KCNJ5: variants seen among roughly 807,000 people sequenced by gnomAD.
KCNJ5 encodes the protein G protein-activated inward rectifier potassium channel 4.
KCNJ5 carries 12 observed loss-of-function variants against 20.2 expected under a neutral mutation model. The observed-to-expected ratio is 0.59, with a 90% CI of 0.38 to 0.96. The LOEUF is 0.96. KCNJ5 is among the 40% of genes least tolerant of loss of function. The probability of loss-of-function intolerance (pLI) is 0.00; values close to 1 mark genes in which losing one functional copy is unlikely to be tolerated. For synonymous variants in KCNJ5, 210 were observed against 213.9 expected (o/e 0.98, Z 0.16); for missense variants, 449 against 557.6 (o/e 0.81, Z 1.96).
intron 1 of KCNJ5, among the ~76,000 whole-genome samples, chr11:128,895,814 G>C (rs1944168469): frequency 6.6e-6 from 1 of 152,262 alleles, no homozygotes. Context: ...AAGGCAGGCT[G>C]CTCTTATGGA....
rs140491115 is a variant in KCNJ5, at chr11:128,911,720, C to T, written c.447C>T (p.Thr149=). The part of the protein sequence containing the change: ...AFLFSIETET[T]IGYGFRVITE... Reference sequence around the variant, plus strand: ...TGTTCTCCATTGAGACCGAAACAACCATTGGGTATGGCTTCCGAGTCATCA... The same window carrying T: ...TGTTCTCCATTGAGACCGAAACAACTATTGGGTATGGCTTCCGAGTCATCA... Residue 149 remains threonine, a synonymous_variant, in exon 2 of 3, where the codon ACC becomes ACT. Transcript: ENST00000529694. The surrounding 1 kb of genome is among the most constrained non-coding windows in gnomAD (Gnocchi z 6.3). 1.9e-5 allele frequency: 31 copies of T among 1,614,044 alleles called. No individual in the cohort carries two copies. Among genetic ancestry groups the T allele is most frequent in the Non-Finnish European group, 2.4e-5 (28 of 1,180,028 alleles).
In KCNJ5 at chr11:128,916,429, A is replaced by G; in HGVS notation, c.958A>G (p.Ser320Gly). 1.2e-6 allele frequency: 2 copies of G among 1,614,194 alleles called. No homozygotes were observed. The highest frequency in any genetic ancestry group is 1.7e-6 in the Non-Finnish European group (2 of 1,180,032). Residue 320 changes from serine (S) to glycine (G), a missense_variant, in exon 3 of 3, where the codon AGC becomes GGC. Around this residue, in one of 5 missense-constraint regions of KCNJ5, gnomAD observed 145 missense variants for 166.2 expected, o/e 0.87. Transcript: ENST00000529694. ...EATGMTCQARSSYMDTEVLWG... is the reference protein window; with the variant it reads ...EATGMTCQARGSYMDTEVLWG... Reference sequence around the variant, plus strand: ...CCCAGGCATGACCTGCCAAGCCCGGAGCTCCTACATGGATACAGAGGTGCT... The same window carrying G: ...CCCAGGCATGACCTGCCAAGCCCGGGGCTCCTACATGGATACAGAGGTGCT...
intron 1 of KCNJ5, chr11:128,902,085 G>A (rs1234081372): frequency 2.4e-5 from 4 of 168,156 alleles, no homozygotes; most frequent in Admixed American, 1.1e-4. Flanking sequence ...ATTCTGCTTC[G>A]AGAAGAGGCG....
At chr11:128,900,754 A>G (rs1295955785) in intron 1 of KCNJ5, 1 of 152,264 alleles carries the variant, frequency 6.6e-6, no homozygotes, top group Non-Finnish European at 1.5e-5. Context: ...TGGCAAGCCC[A>G]ACTATCCAAC....
At chr11:128,896,440 C>A (rs547874916) in intron 1 of KCNJ5, among the ~76,000 whole-genome samples, 1 of 152,306 alleles carries the variant, frequency 6.6e-6, no homozygotes, top group Non-Finnish European at 1.5e-5. Flanking sequence ...CACTTCCATC[C>A]CACCCCACCC....
chr11:128,903,384 G>T, intron 1 of KCNJ5: 21 of 1,614,196 alleles, frequency 1.3e-5, no homozygotes, highest in Non-Finnish European at 1.8e-5. Flanking sequence ...AGCCACAGCC[G>T]TGGGTGTAGA....
chr11:128,902,803 C>T (rs981717865), intron 1 of KCNJ5: 7 of 1,411,482 alleles, frequency 5.0e-6, no homozygotes, highest in Non-Finnish European at 5.8e-6. Context: ...ACAACGCAGC[C>T]CAACATGTCC....
At chr11:128,894,529 C>G (rs533854990) in intron 1 of KCNJ5, among the ~76,000 whole-genome samples, 1 of 152,150 alleles carries the variant, frequency 6.6e-6, no homozygotes, top group Non-Finnish European at 1.5e-5. Context: ...TTAAGATAGT[C>G]GTCAGCCACG....
Position 128,916,198 on chromosome 11 carries a change from TTGGATGGA to T in KCNJ5, c.938-191_938-184del, listed in dbSNP as rs201935642. Among the ~76,000 whole-genome samples, 291 of 98,878 alleles carry T rather than the reference TTGGATGGA, an allele frequency of 2.9e-3. 10 individuals carry two copies. The highest frequency in any genetic ancestry group is 0.026 in the Admixed American group (215 of 8,166). The allele number at this position is 98,878 out of a possible 152,430, so 64.9% of individuals were successfully genotyped here. The stretch of plus-strand genomic sequence containing the variant: ...TTTCCATATCTGGATGGATGGATGG[TTGGATGGA>T]TGGATGGATGGATGGATGGTTGGAT... On this transcript the variant is annotated intron_variant, in intron 2 of 2. Transcript: ENST00000529694.
intron 1 of KCNJ5, among the ~76,000 whole-genome samples, chr11:128,904,092 C>T (rs566769888): frequency 5.9e-5 from 9 of 152,306 alleles, no homozygotes; most frequent in African/African-American, 2.2e-4. Context: ...CTAAAACGGA[C>T]TTAATAGATC....
chr11:128,899,081 T>G (rs2135984712), intron 1 of KCNJ5, among the ~76,000 whole-genome samples: 1 of 152,208 alleles, frequency 6.6e-6, no homozygotes, highest in East Asian at 1.9e-4. Context: ...CTTGAATCAT[T>G]TAAGCATTCC....
rs1441654641 is a variant in KCNJ5 at position 128,891,367 on chromosome 11, GGAC to G, written c.-363_-361del. On this transcript the variant is annotated 5_prime_UTR_variant, in exon 1 of 3. Coordinates refer to ENST00000529694, the MANE Select transcript of KCNJ5 (RefSeq NM_000890.5). ...CTACCCAGAGATTCATTTGTACCAG[GGAC>G]GGAGGGAGAGAGGAGAGGGAGGAGG... The G allele has an allele frequency of 6.8e-6, 1 of 147,604 alleles. No homozygotes were observed. The highest frequency in any genetic ancestry group is 2.5e-5 in the African/African-American group (1 of 39,694). The allele number at this position is 147,604 out of a possible 1,614,324, so 9.1% of individuals were successfully genotyped here. A position where few individuals can be genotyped will look rare whatever the true frequency, so the allele number is the denominator to read the frequency against.
intron 1 of KCNJ5, among the ~76,000 whole-genome samples, chr11:128,908,865 G>A (rs541131970): frequency 3.3e-5 from 5 of 152,240 alleles, no homozygotes; most frequent in African/African-American, 4.8e-5. Context: ...CGGGGCCTCG[G>A]GACAGCAGCA....
Position 128,911,718 on chromosome 11 carries a change from A to G in KCNJ5, c.445A>G (p.Thr149Ala), listed in dbSNP as rs1486594770. The change falls in exon 2 of 3, where the codon ACC (threonine) becomes GCC (alanine). Residue 149 changes from threonine (T) to alanine (A), a missense_variant. By Grantham distance (58) the Thr-to-Ala change is moderately conservative (BLOSUM62 0). Transcript: ENST00000529694. This position sits in a 1 kb window ranked among gnomAD's most constrained non-coding sequence, Gnocchi z 6.3. ...CCTGTTCTCCATTGAGACCGAAACA[A>G]CCATTGGGTATGGCTTCCGAGTCAT... is the stretch of plus-strand genomic sequence containing the variant. ...AFLFSIETET[T>A]IGYGFRVITE... 4.3e-6 allele frequency: 7 copies of G among 1,614,172 alleles called. No homozygotes were observed. Among genetic ancestry groups the G allele is most frequent in the Non-Finnish European group, 5.1e-6 (6 of 1,180,022 alleles).
chr11:128,916,738 C>T lies in KCNJ5; in HGVS notation c.*7C>T, dbSNP rs1324714119. 5 of 1,585,344 alleles carry T rather than the reference C, an allele frequency of 3.2e-6. No homozygotes were observed. The South Asian group carries it at 4.5e-5, about 14-fold the overall frequency. On this transcript the variant is annotated 3_prime_UTR_variant, in exon 3 of 3. Transcript: ENST00000529694. ...GGCCAGGGGCTCGGTGTGAGGGGTG[C>T]AGCCTCCCTAAGACCTCCTGTCACT...
chr11:128,920,857 T>C lies in KCNJ5; in HGVS notation c.*4126T>C, dbSNP rs1944654555. 1 of 152,274 alleles carries C rather than the reference T, an allele frequency of 6.6e-6. No homozygotes were observed. Among genetic ancestry groups the C allele is most frequent in the South Asian group, 2.1e-4 (1 of 4,836 alleles). The allele number at this position is 152,274 out of a possible 1,614,324, so 9.4% of individuals were successfully genotyped here. A position where few individuals can be genotyped will look rare whatever the true frequency, so the allele number is the denominator to read the frequency against. On this transcript the variant is annotated 3_prime_UTR_variant, in exon 3 of 3. Transcript: ENST00000529694. ...GGCTCTTGGGATGGGGTCGCGCCGA[T>C]TCACATGCTGTGCCACGGAGCCCCG...
rs1412522823 is a variant in KCNJ5 at position 128,891,435 on chromosome 11, CACACACAGAGAGAGAG to C, written c.-295_-280del. The C allele has an allele frequency of 5.9e-5, 5 of 85,124 alleles. No homozygotes were observed. Among genetic ancestry groups the C allele is most frequent in the African/African-American group, 2.1e-4 (4 of 19,288 alleles). The allele number at this position is 85,124 out of a possible 1,614,324, so 5.3% of individuals were successfully genotyped here. ...ACACACACACACACACACACACACA[CACACACAGAGAGAGAG>C]AGAGAGAGAGAGAGAGAGAGAGAGA... On this transcript the variant is annotated 5_prime_UTR_variant, in exon 1 of 3. Coordinates refer to ENST00000529694, the MANE Select transcript of KCNJ5 (RefSeq NM_000890.5).
chr11:128,913,074 C>T (rs375135543), intron 2 of KCNJ5, among the ~76,000 whole-genome samples: 6 of 152,330 alleles, frequency 3.9e-5, no homozygotes, highest in South Asian at 4.1e-4. Context: ...TTCTCGCTGT[C>T]CTTACCCACT....
chr11:128,897,552 TC>T (rs1255160264), intron 1 of KCNJ5, among the ~76,000 whole-genome samples: 7 of 152,380 alleles, frequency 4.6e-5, no homozygotes, highest in African/African-American at 1.7e-4. Context: ...TAGATACCAG[TC>T]CTTTGTCAGT....
Sources: allele counts gnomAD v4.1 joint callset (sites outside exome capture counted in the v4.1 genomes callset), GRCh38; gene constraint gnomAD v4.1.1; regional missense constraint gnomAD v4.1.1; non-coding constraint Gnocchi (gnomAD v3.1); transcripts MANE v1.5; gene names NCBI Gene and HGNC (gene_info 2026-07-23, HGNC 2026-07-21).